Variants in DPYD observed in about 807,000 individuals in gnomAD.
DPYD encodes the protein dihydropyrimidine dehydrogenase [NADP(+)].
A neutral mutation model predicts 116.2 loss-of-function variants in DPYD; 109 were observed. The observed-to-expected ratio is 0.94, with a 90% CI of 0.80 to 1.10. The LOEUF is 1.10. DPYD is among the 50% of genes least tolerant of loss of function. The pLI, the probability that DPYD is intolerant of heterozygous loss-of-function variation, is 0.00. For missense variants in DPYD, 1,302 were observed against 1,254.5 expected (o/e 1.04, Z -0.57); for synonymous variants, 440 against 432.0 (o/e 1.02, Z -0.23).
At chr1:97,102,083 GATT>G (rs1650732290) in intron 20 of DPYD, among the ~76,000 whole-genome samples, 1 of 152,024 alleles carries the variant, frequency 6.6e-6, no homozygotes, top group African/African-American at 2.4e-5. Context: ...AGTCTATTTG[GATT>G]ATAATTTATT....
intron 13 of DPYD, among the ~76,000 whole-genome samples, chr1:97,482,067 A>G (rs750979639): frequency 3.3e-5 from 5 of 152,220 alleles, no homozygotes; most frequent in African/African-American, 1.2e-4. Context: ...TATTACATTA[A>G]AAGTTATAAC....
intron 2 of DPYD, chr1:97,855,276 A>C (rs988637171): frequency 6.6e-6 from 1 of 152,268 alleles, no homozygotes; most frequent in Non-Finnish European, 1.5e-5. Flanking sequence ...CTCTGTGTCA[A>C]GCTGGTCCTG....
intron 16 of DPYD, among the ~76,000 whole-genome samples, chr1:97,340,668 C>G (rs757025030): frequency 5.3e-5 from 8 of 151,694 alleles, no homozygotes; most frequent in Non-Finnish European, 1.2e-4. Context: ...AGAGTGAGAC[C>G]CTATCTCAAA....
chr1:97,697,704 A>T (rs1270639532), intron 6 of DPYD, among the ~76,000 whole-genome samples: 1 of 152,056 alleles, frequency 6.6e-6, no homozygotes, highest in Admixed American at 6.6e-5. Context: ...CAGCAAATAA[A>T]TTTAAAAAAA....
chr1:97,779,374 G>T (rs938249427), intron 3 of DPYD, among the ~76,000 whole-genome samples: 9 of 151,904 alleles, frequency 5.9e-5, no homozygotes, highest in African/African-American at 4.8e-5. Flanking sequence ...AAAGTACAGG[G>T]AAAATAAAGA....
At chr1:97,730,442 T>G (rs1480498988) in intron 4 of DPYD, among the ~76,000 whole-genome samples, 1 of 152,130 alleles carries the variant, frequency 6.6e-6, no homozygotes, top group Non-Finnish European at 1.5e-5. Flanking sequence ...CAGGCTGGTC[T>G]TGAACTCCTG....
At chr1:97,710,503 T>C (rs1662222107) in intron 5 of DPYD, among the ~76,000 whole-genome samples, 3 of 151,898 alleles carry the variant, frequency 2.0e-5, no homozygotes, top group Admixed American at 1.3e-4. Context: ...AAAAACTTCA[T>C]GTAATGTCAA....
intron 16 of DPYD, among the ~76,000 whole-genome samples, chr1:97,317,034 C>A (rs962231168): frequency 1.9e-4 from 29 of 151,848 alleles, no homozygotes; most frequent in Admixed American, 1.9e-3. Context: ...GGCCATATTT[C>A]GCAGTAATTA....
intron 18 of DPYD, among the ~76,000 whole-genome samples, chr1:97,259,572 T>C (rs1663738344): frequency 6.6e-6 from 1 of 151,994 alleles, no homozygotes; most frequent in Non-Finnish European, 1.5e-5. Context: ...GGTTGGGCAG[T>C]GACTTAGGAT....
intron 19 of DPYD, among the ~76,000 whole-genome samples, chr1:97,199,174 A>G (rs1659026829): frequency 6.6e-6 from 1 of 152,166 alleles, no homozygotes. Context: ...TCTTCTTTAC[A>G]TACATTATTT....
intron 18 of DPYD, among the ~76,000 whole-genome samples, chr1:97,240,178 T>C (rs552499281): frequency 1.3e-5 from 2 of 152,044 alleles, no homozygotes; most frequent in East Asian, 1.9e-4. Flanking sequence ...ATAATGTTGA[T>C]GAAGATTACT....
chr1:97,612,633 G>C (rs1371575220), intron 8 of DPYD, among the ~76,000 whole-genome samples: 3 of 151,986 alleles, frequency 2.0e-5, no homozygotes, highest in Non-Finnish European at 4.4e-5. Context: ...CCTTAATGAA[G>C]TTATAAGACA....
chr1:97,824,845 A>G lies in DPYD; in HGVS notation c.233+3269T>C, dbSNP rs186467077. Among the ~76,000 whole-genome samples, 186 of 152,262 alleles carry G rather than the reference A, an allele frequency of 1.2e-3. No individual in the cohort carries two copies. In the Middle Eastern group the frequency reaches 0.024, roughly 19 times the overall value. On this transcript the variant is annotated intron_variant, in intron 3 of 22. Transcript: ENST00000370192. The stretch of plus-strand genomic sequence containing the variant: ...CTCTCCTTCTTTCTTATCCCAATGC[A>G]CTATTCTTGGAAATCATATGCCTTC...
chr1:97,517,076 C>G (rs922834159), intron 12 of DPYD, among the ~76,000 whole-genome samples: 1 of 152,060 alleles, frequency 6.6e-6, no homozygotes, highest in African/African-American at 2.4e-5. Flanking sequence ...TGGCCCTCCA[C>G]CACTTACAAT....
intron 11 of DPYD, among the ~76,000 whole-genome samples, chr1:97,551,200 G>C (rs1240480726): frequency 6.6e-6 from 1 of 152,096 alleles, no homozygotes; most frequent in East Asian, 1.9e-4. Flanking sequence ...CTTTCATTGA[G>C]AGGAAAATTA....
chr1:97,214,385 T>C (rs371098847), intron 19 of DPYD, among the ~76,000 whole-genome samples: 10 of 152,330 alleles, frequency 6.6e-5, no homozygotes, highest in Admixed American at 2.6e-4. Context: ...GAAAATAGCA[T>C]GGATAGATTC....
intron 13 of DPYD, among the ~76,000 whole-genome samples, chr1:97,490,827 T>TAAAA (rs33972983): frequency 6.9e-6 from 1 of 144,140 alleles, no homozygotes; most frequent in Admixed American, 7.0e-5. Flanking sequence ...AATGTAATGC[T>TAAAA]AAAAAAAAAA....
chr1:97,723,467 A>AT (rs1663038227), intron 4 of DPYD, among the ~76,000 whole-genome samples: 1 of 151,422 alleles, frequency 6.6e-6, no homozygotes, highest in Admixed American at 6.6e-5. Context: ...ACACACATGC[A>AT]TACACACACA....
At chr1:97,120,326 C>T (rs769722300) in intron 20 of DPYD, among the ~76,000 whole-genome samples, 91 of 152,146 alleles carry the variant, frequency 6.0e-4, no homozygotes, top group Non-Finnish European at 5.1e-4. Flanking sequence ...TGCAGAGAAT[C>T]AGCCTAACAG....
Sources: gnomAD v4.1 joint callset for allele counts (sites outside exome capture counted in the v4.1 genomes callset) on GRCh38, gnomAD v4.1.1 for gene constraint, MANE v1.5 for transcripts, NCBI Gene and HGNC (gene_info 2026-07-23, HGNC 2026-07-21) for gene names.